Variants in LAMA3 observed in about 807,000 individuals in gnomAD.
LAMA3 encodes laminin subunit alpha-3.
In LAMA3, 281 loss-of-function variants were observed where a neutral mutation model predicts 402.0. The ratio of observed to expected loss-of-function variants is 0.70; its 90% CI spans 0.63 to 0.77. The LOEUF (loss-of-function observed/expected upper bound fraction) is 0.77, where lower values mean the gene tolerates loss of function less well. Ranked by LOEUF, LAMA3 falls within the 30% of genes least tolerant of loss-of-function variation. The pLI is 0.00. For missense variants in LAMA3, 3,840 were observed against 4,215.5 expected, an observed-to-expected ratio of 0.91 and a Z score of 2.47; for synonymous variants, 1,431 against 1,558.4, an observed-to-expected ratio of 0.92 and a Z score of 1.93.
intron 6 of LAMA3, among the ~76,000 whole-genome samples, chr18:23,757,285 C>T (rs1391525718): frequency 6.6e-6 from 1 of 152,090 alleles, no homozygotes; most frequent in Non-Finnish European, 1.5e-5. Flanking sequence ...GCCGTCTTCC[C>T]ACCCCTTCAT....
At chr18:23,755,753 C>T (rs1479807992) in intron 6 of LAMA3, among the ~76,000 whole-genome samples, 2 of 152,156 alleles carry the variant, frequency 1.3e-5, no homozygotes, top group Non-Finnish European at 2.9e-5. Flanking sequence ...TAATAAGTTA[C>T]TTAGAAAAAA....
chr18:23,949,777 A>G lies in LAMA3; in HGVS notation c.9364A>G (p.Asn3122Asp). ...PSGKPKSLPT[N>D]SFVGCLKNFQ... is the part of the protein sequence containing the mutation. ...TGCTTGGTTGCAGAGCCTCCCCACA[A>G]ACAGCTTTGTGGGATGCCTGAAGAA... The change falls in exon 71 of 75, where the codon AAC becomes GAC. Residue 3122 changes from asparagine to aspartate, a missense_variant. Physicochemically the swap from Asn to Asp is conservative, Grantham distance 23 (BLOSUM62 1). Transcript: ENST00000313654. 1.9e-6 allele frequency: 3 copies of G among 1,613,882 alleles called. No homozygotes were observed. Among genetic ancestry groups the G allele is most frequent in the Non-Finnish European group, 1.7e-6 (2 of 1,179,962 alleles).
intron 2 of LAMA3, among the ~76,000 whole-genome samples, chr18:23,744,426 G>A (rs950036402): frequency 1.3e-5 from 2 of 152,202 alleles, no homozygotes; most frequent in Non-Finnish European, 2.9e-5. Flanking sequence ...TGGAAGATGA[G>A]TTGGTGCCAT....
At chr18:23,936,123 A>T (rs995454663) in intron 67 of LAMA3, among the ~76,000 whole-genome samples, 30 of 150,960 alleles carry the variant, frequency 2.0e-4, no homozygotes, top group Non-Finnish European at 1.2e-4. Flanking sequence ...CTAAGAGGTT[A>T]AAAAAAAAGT....
chr18:23,788,949 T>C (rs1276934262), intron 12 of LAMA3, among the ~76,000 whole-genome samples: 1 of 151,504 alleles, frequency 6.6e-6, no homozygotes, highest in Non-Finnish European at 1.5e-5. Context: ...AATCCATATA[T>C]ATGGATATAT....
intron 2 of LAMA3, among the ~76,000 whole-genome samples, chr18:23,736,542 G>A (rs895520458): frequency 6.6e-6 from 1 of 151,922 alleles, no homozygotes; most frequent in Non-Finnish European, 1.5e-5. Context: ...AACTTAAATT[G>A]CATTTTTTCC....
intron 49 of LAMA3, 110 bp downstream of exon 49, chr18:23,903,235 T>C: frequency 1.4e-6 from 1 of 740,514 alleles, no homozygotes; most frequent in Non-Finnish European, 2.4e-6. Flanking sequence ...GTATAGTCTC[T>C]TAGATGGAAG....
At chr18:23,747,402 A>G (rs1488096865) in intron 2 of LAMA3, among the ~76,000 whole-genome samples, 5 of 152,198 alleles carry the variant, frequency 3.3e-5, no homozygotes, top group East Asian at 1.9e-4. Flanking sequence ...GAGAAAGCCA[A>G]TAAGAGGGAG....
chr18:23,716,130 G>A (rs1188449400), intron 2 of LAMA3, among the ~76,000 whole-genome samples: 1 of 151,810 alleles, frequency 6.6e-6, no homozygotes, highest in Non-Finnish European at 1.5e-5. Flanking sequence ...AGTAGCTTCT[G>A]ACAATACTAA....
At position 23,949,884 on chromosome 18, in the gene LAMA3, A is replaced by C. The variant is rs1209560875; in HGVS notation, c.9471A>C (p.Lys3157Asn). The C allele has an allele frequency of 3.5e-5, 57 of 1,614,058 alleles. No homozygotes were observed. The highest frequency in any genetic ancestry group is 4.7e-5 in the Non-Finnish European group (55 of 1,180,022). The change falls in exon 71 of 75, where the codon AAA (lysine) becomes AAC (asparagine). Residue 3157 changes from lysine to asparagine, a missense_variant. Physicochemically the swap from Lys to Asn is moderately conservative, Grantham distance 94. This residue lies in a region of LAMA3 where 840 missense variants were observed against 981.9 expected (regional missense o/e 0.86). Transcript: ENST00000313654. ...CCTGCTTGGGTGGTCCTTTGGAGAA[A>C]GGCATTTATTTCTCTGAAGAAGGAG... ...VSSCLGGPLE[K>N]GIYFSEEGGH... is the part of the protein sequence containing the mutation.
chr18:23,791,408 G>GA (rs956491433), intron 12 of LAMA3, among the ~76,000 whole-genome samples: 4 of 151,986 alleles, frequency 2.6e-5, no homozygotes, highest in Non-Finnish European at 5.9e-5. Context: ...TTTGTGGGGG[G>GA]AAAAATGATA....
Position 23,861,063 on chromosome 18 carries a change from G to A in LAMA3, c.4423-583G>A, listed in dbSNP as rs549931387. Reference sequence around the variant, plus strand: ...TTTTACTGCCTGTCTCCTAAAAGGAGTGTAGCTAGTAATTGGAAAAAAAAA... The same window carrying A: ...TTTTACTGCCTGTCTCCTAAAAGGAATGTAGCTAGTAATTGGAAAAAAAAA... On this transcript the variant is annotated intron_variant, in intron 34 of 74. Coordinates refer to ENST00000313654, the MANE Select transcript of LAMA3 (RefSeq NM_198129.4). 1.4e-3 allele frequency among the ~76,000 whole-genome samples: 220 copies of A among 152,116 alleles called. 2 individuals are homozygous for A. The South Asian group carries it at 0.018, about 12-fold the overall frequency.
At position 23,890,023 on chromosome 18, in the gene LAMA3, A is replaced by T. The variant is rs1463224441; in HGVS notation, c.5316A>T (p.Gly1772=). 6.2e-7 allele frequency: 1 copy of T among 1,613,182 alleles called. No individual in the cohort carries two copies. Among genetic ancestry groups the T allele is most frequent in the African/African-American group, 1.3e-5 (1 of 74,906 alleles). The change falls in exon 42 of 75, where the codon GGA becomes GGT. Residue 1772 remains glycine, a synonymous_variant. Transcript: ENST00000313654. ...TGTQCERCAP[G]YFGNPQKFGG... ...ATATTTTGTGTAGGTGTGCACCGGGATATTTCGGGAATCCCCAGAAATTCG... is the reference window on the plus strand; with the variant it reads ...ATATTTTGTGTAGGTGTGCACCGGGTTATTTCGGGAATCCCCAGAAATTCG...
At chr18:23,754,339 T>C (rs1192029714) in intron 6 of LAMA3, among the ~76,000 whole-genome samples, 1 of 152,204 alleles carries the variant, frequency 6.6e-6, no homozygotes, top group East Asian at 1.9e-4. Context: ...TGTTTCCTCC[T>C]ACCACTGGCC....
chr18:23,864,425 G>T (rs1045036138), intron 35 of LAMA3, among the ~76,000 whole-genome samples: 3 of 151,894 alleles, frequency 2.0e-5, no homozygotes, highest in Non-Finnish European at 4.4e-5. Context: ...ACAGGGTCTC[G>T]CTGTATTGCC....
intron 2 of LAMA3, among the ~76,000 whole-genome samples, chr18:23,729,281 A>C (rs2145991234): frequency 6.6e-6 from 1 of 152,270 alleles, no homozygotes; most frequent in East Asian, 1.9e-4. Context: ...GAAATAATCC[A>C]GCAAATGTAT....
chr18:23,799,569 C>T (rs2062830009), intron 12 of LAMA3, among the ~76,000 whole-genome samples: 1 of 152,218 alleles, frequency 6.6e-6, no homozygotes, highest in Admixed American at 6.5e-5. Context: ...GTGTCACCCA[C>T]ATTATGCTGT....
intron 2 of LAMA3, among the ~76,000 whole-genome samples, chr18:23,733,661 G>T (rs996370561): frequency 6.6e-6 from 1 of 152,220 alleles, no homozygotes; most frequent in African/African-American, 2.4e-5. Context: ...GTCTTTAGAA[G>T]ATAAATCGGA....
chr18:23,907,572 C>T lies in LAMA3; in HGVS notation c.6741C>T (p.Asn2247=), dbSNP rs2145180187. Residue 2247 remains asparagine (N), a synonymous_variant, in exon 53 of 75, where the codon AAC becomes AAT. Transcript: ENST00000313654. ...LKQEVSPALN[N]LQQTLNIVTV... ...TAGAAGTCAGTCCAGCTCTCAACAA[C>T]CTACAGCAAACCCTGAATATTGTGA... is the stretch of plus-strand genomic sequence containing the variant. 5.0e-6 allele frequency: 8 copies of T among 1,613,664 alleles called. No individual in the cohort carries two copies. The highest frequency in any genetic ancestry group is 1.6e-4 in the Middle Eastern group (1 of 6,062).
Sources: gnomAD v4.1 joint callset for allele counts (sites outside exome capture counted in the v4.1 genomes callset) on GRCh38, gnomAD v4.1.1 for gene constraint, gnomAD v4.1.1 regional missense constraint, MANE v1.5 for transcripts, NCBI Gene and HGNC (gene_info 2026-07-23, HGNC 2026-07-21) for gene names.